The following ADGRA3 variants were observed in gnomAD, a reference collection of about 807,000 sequenced individuals.
ADGRA3 encodes the protein G-protein coupled receptor 125.
Under a neutral mutation model 119.8 loss-of-function variants are expected in ADGRA3, and 56 were observed. The ratio of observed to expected loss-of-function variants is 0.47; its 90% confidence interval spans 0.38 to 0.58. The LOEUF is 0.58. ADGRA3 is among the 20% of genes least tolerant of loss of function. The probability of loss-of-function intolerance (pLI) is 0.00; values close to 1 mark genes in which losing one functional copy is unlikely to be tolerated. For missense variants in ADGRA3, 1,516 were observed against 1,649.0 expected (o/e 0.92, Z 1.40); for synonymous variants, 607 against 623.8 (o/e 0.97, Z 0.40).
intron 1 of ADGRA3, among the ~76,000 whole-genome samples, chr4:22,511,711 T>C (rs921609581): frequency 6.6e-6 from 1 of 151,806 alleles, no homozygotes; most frequent in Non-Finnish European, 1.5e-5. Flanking sequence ...CCCTACAGAC[T>C]CCTCTGACCA....
rs1395538363 is a variant in ADGRA3 at position 22,473,854 on chromosome 4, C to T, written c.258-11G>A. ...TTGTTACTCAGAATCCTAAAAAATA[C>T]CAAAAAAATAATAAGTTGCCTAATA... On this transcript the variant is annotated splice_polypyrimidine_tract_variant and intron_variant, in intron 1 of 18. Coordinates refer to ENST00000334304, the MANE Select transcript of ADGRA3 (RefSeq NM_145290.4). 8.9e-6 allele frequency: 14 copies of T among 1,566,428 alleles called. No individual in the cohort carries two copies. Among genetic ancestry groups the T allele is most frequent in the Non-Finnish European group, 1.2e-5 (14 of 1,143,514 alleles).
chr4:22,513,016 G>C (rs1719502553), intron 1 of ADGRA3, among the ~76,000 whole-genome samples: 1 of 152,142 alleles, frequency 6.6e-6, no homozygotes, highest in Non-Finnish European at 1.5e-5. Context: ...GAGAATTCTG[G>C]TGAGCAAGTC....
intron 1 of ADGRA3, among the ~76,000 whole-genome samples, chr4:22,475,334 T>G (rs953084047): frequency 6.6e-6 from 1 of 152,204 alleles, no homozygotes; most frequent in African/African-American, 2.4e-5. Flanking sequence ...AGATCCTCCC[T>G]CATTTCAATG....
intron 17 of ADGRA3, among the ~76,000 whole-genome samples, chr4:22,389,811 A>G (rs1714033875): frequency 6.6e-6 from 1 of 152,130 alleles, no homozygotes; most frequent in Non-Finnish European, 1.5e-5. Flanking sequence ...CAGAGCAGTG[A>G]CTGGTCCTAC....
At chr4:22,405,752 A>T (rs893524598) in intron 14 of ADGRA3, among the ~76,000 whole-genome samples, 1 of 152,150 alleles carries the variant, frequency 6.6e-6, no homozygotes, top group African/African-American at 2.4e-5. Flanking sequence ...TTTTATTGAC[A>T]CATAATTGTA....
chr4:22,486,613 A>G lies in ADGRA3; in HGVS notation c.258-12770T>C, dbSNP rs117728800. 9.1e-3 allele frequency among the ~76,000 whole-genome samples: 1,380 copies of G among 152,292 alleles called. 39 individuals are homozygous for G. The highest frequency in any genetic ancestry group is 0.05 in the East Asian group (258 of 5,172). On this transcript the variant is annotated intron_variant, in intron 1 of 18. Transcript: ENST00000334304. ...AAAGAAAGGGAGGCAGATGCAGGGGAACCTCCAAGGGGTGAGGATGTGGTT... is the reference window on the plus strand; with the variant it reads ...AAAGAAAGGGAGGCAGATGCAGGGGGACCTCCAAGGGGTGAGGATGTGGTT...
chr4:22,495,989 T>A (rs1312893556), intron 1 of ADGRA3, among the ~76,000 whole-genome samples: 1 of 152,076 alleles, frequency 6.6e-6, no homozygotes, highest in Non-Finnish European at 1.5e-5. Context: ...ACACTAATAA[T>A]ATAATTGATT....
rs546914275 is a variant in ADGRA3, at chr4:22,427,966, A to G, written c.1444-3614T>C. 5.3e-5 allele frequency among the ~76,000 whole-genome samples: 8 copies of G among 152,320 alleles called. No individual in the cohort carries two copies. The East Asian group carries it at 1.5e-3, about 29-fold the overall frequency. ...AAAATGGGGAAGAAACAAATGCACCACATTAATGGCAATGAAAGTGCTCAA... is the reference window on the plus strand; with the variant it reads ...AAAATGGGGAAGAAACAAATGCACCGCATTAATGGCAATGAAAGTGCTCAA... On this transcript the variant is annotated intron_variant, in intron 10 of 18. Transcript: ENST00000334304.
At chr4:22,434,046 A>G (rs556798896) in intron 10 of ADGRA3, among the ~76,000 whole-genome samples, 8 of 151,786 alleles carry the variant, frequency 5.3e-5, no homozygotes, top group Non-Finnish European at 1.2e-4. Flanking sequence ...ACTACATCCT[A>G]TCAAGTAAAG....
Position 22,409,173 on chromosome 4 carries a change from T to G in ADGRA3, c.2232+4009A>C, listed in dbSNP as rs1391883089. ...AATCTTGTTCTTATACATTCTTTTG[T>G]AAAAATATAACCAATATTTGTGCAC... On this transcript the variant is annotated intron_variant, in intron 14 of 18. Transcript: ENST00000334304. Among the ~76,000 whole-genome samples, 6 of 152,184 alleles carry G rather than the reference T, an allele frequency of 3.9e-5. No individual in the cohort carries two copies. The East Asian group carries it at 1.2e-3, about 29-fold the overall frequency.
At chr4:22,477,985 C>T (rs1378774829) in intron 1 of ADGRA3, 1 of 152,136 alleles carries the variant, frequency 6.6e-6, no homozygotes, top group Non-Finnish European at 1.5e-5. Flanking sequence ...TTGCTGACAT[C>T]TTTGAAATTT....
At chr4:22,506,941 A>T (rs80182626) in intron 1 of ADGRA3, among the ~76,000 whole-genome samples, 2,162 of 152,202 alleles carry the variant, frequency 0.014, 57 homozygotes, top group African/African-American at 0.048. Context: ...CTGAGTTAAT[A>T]AGCTACTAAT....
intron 15 of ADGRA3, 66 bp downstream of exon 15, chr4:22,402,609 T>C (rs1429984416): frequency 6.5e-7 from 1 of 1,533,084 alleles, no homozygotes; most frequent in Non-Finnish European, 8.9e-7. Flanking sequence ...TTATCCTAAT[T>C]AAATGTGAAA....
chr4:22,418,899 C>G (rs1262590568), intron 12 of ADGRA3, among the ~76,000 whole-genome samples: 1 of 152,126 alleles, frequency 6.6e-6, no homozygotes, highest in Non-Finnish European at 1.5e-5. Context: ...ACTCAGAGAA[C>G]TGGGGCAGCA....
chr4:22,478,810 G>A (rs1718143931), intron 1 of ADGRA3, among the ~76,000 whole-genome samples: 1 of 152,074 alleles, frequency 6.6e-6, no homozygotes, highest in Admixed American at 6.6e-5. Context: ...GAAAGAGACA[G>A]AAGTTTAAGA....
chr4:22,436,056 A>G (rs1183117170), intron 9 of ADGRA3, among the ~76,000 whole-genome samples: 1 of 152,192 alleles, frequency 6.6e-6, no homozygotes, highest in Non-Finnish European at 1.5e-5. Flanking sequence ...GATGCATAGA[A>G]GCAAAGATAA....
At position 22,407,039 on chromosome 4, in the gene ADGRA3, A is replaced by T. The variant is rs1714966634; in HGVS notation, c.2233-4240T>A. Among the ~76,000 whole-genome samples the T allele has an allele frequency of 2.6e-5, 4 of 152,328 alleles. No individual in the cohort carries two copies. The South Asian group carries it at 8.3e-4, about 32-fold the overall frequency. ...GTAATCCCAGCACTTTGGGAGGCCG[A>T]GGCGGGTGGATCACAAGGTCAGGAG... is the stretch of plus-strand genomic sequence containing the variant. On this transcript the variant is annotated intron_variant, in intron 14 of 18. Transcript: ENST00000334304.
intron 4 of ADGRA3, among the ~76,000 whole-genome samples, chr4:22,452,836 C>T (rs1717097044): frequency 6.6e-6 from 1 of 152,068 alleles, no homozygotes; most frequent in South Asian, 2.1e-4. Flanking sequence ...TCAGTCATAG[C>T]TGTCCAAAAA....
At chr4:22,500,023 C>T in intron 1 of ADGRA3, among the ~76,000 whole-genome samples, 1 of 152,170 alleles carries the variant, frequency 6.6e-6, no homozygotes, top group East Asian at 1.9e-4. Flanking sequence ...CTCCAAAGAG[C>T]ATTTCCTATG....
Sources: gnomAD v4.1 joint callset for allele counts (sites outside exome capture counted in the v4.1 genomes callset) on GRCh38, gnomAD v4.1.1 for gene constraint, MANE v1.5 for transcripts, NCBI Gene and HGNC (gene_info 2026-07-23, HGNC 2026-07-21) for gene names.